Variants in MGAM2 observed in about 807,000 individuals in gnomAD.
MGAM2 encodes the protein maltase-glucoamylase 2 (putative).
MGAM2 carries 98 observed loss-of-function variants against 96.1 expected under a neutral mutation model. The observed-to-expected ratio is 1.02, with a 90% CI of 0.87 to 1.21. MGAM2 has a LOEUF of 1.21. Among genes scored for constraint, MGAM2 ranks in the 50% most tolerant of loss-of-function variants. MGAM2 has a pLI of 0.00. For missense variants in MGAM2, 2,055 were observed against 1,182.4 expected (o/e 1.74, Z -10.82); for synonymous variants, 749 against 414.8 (o/e 1.81, Z -9.79).
intron 10 of MGAM2, among the ~76,000 whole-genome samples, chr7:142,139,003 T>C (rs1795139416): frequency 1.3e-5 from 2 of 152,208 alleles, no homozygotes; most frequent in South Asian, 2.1e-4. Flanking sequence ...GAATGCCTTA[T>C]ACTGTGCATG....
At chr7:142,147,310 TAGG>T (rs1362639736) in intron 14 of MGAM2, 143 bp from the exon 15 acceptor site, 2 of 550,712 alleles carry the variant, frequency 3.6e-6, no homozygotes, top group Non-Finnish European at 6.4e-6. Flanking sequence ...AAATAGCATT[TAGG>T]ATAGAATTTA....
intron 10 of MGAM2, among the ~76,000 whole-genome samples, chr7:142,139,504 C>CA (rs1244669802): frequency 1.3e-5 from 2 of 151,284 alleles, no homozygotes; most frequent in Non-Finnish European, 2.9e-5. Flanking sequence ...ATTAAAAATA[C>CA]AAAAAAATTA....
intron 2 of MGAM2, 76 bp from the exon 3 acceptor site, chr7:142,120,226 G>GT (rs1794523191): frequency 1.5e-6 from 1 of 685,916 alleles, no homozygotes; most frequent in Non-Finnish European, 2.7e-6. Context: ...CCAAAAGTCT[G>GT]TAACTTTGCT....
At chr7:142,186,630 G>A (rs1358510246) in intron 35 of MGAM2, among the ~76,000 whole-genome samples, 1 of 152,200 alleles carries the variant, frequency 6.6e-6, no homozygotes, top group Non-Finnish European at 1.5e-5. Context: ...GATGTCCCTG[G>A]GATATATGTC....
intron 14 of MGAM2, among the ~76,000 whole-genome samples, chr7:142,145,630 T>C (rs1795361496): frequency 6.6e-6 from 1 of 152,134 alleles, no homozygotes; most frequent in Non-Finnish European, 1.5e-5. Flanking sequence ...ACAATAATCG[T>C]TTACTTTTTG....
chr7:142,160,438 T>C (rs1004766811), intron 21 of MGAM2, among the ~76,000 whole-genome samples, 180 bp downstream of exon 21: 1 of 152,156 alleles, frequency 6.6e-6, no homozygotes, highest in Non-Finnish European at 1.5e-5. Context: ...ATTTAGTAGA[T>C]GGTAGTCTGC....
In MGAM2 at chr7:142,147,451, T is replaced by A; in HGVS notation, c.1517-5T>A. ...AGTGCCTCACTAATGAGTATTTCCC[T>A]CCAGGAGTTCTGGATCACTTACTTT... On this transcript the variant is annotated splice_polypyrimidine_tract_variant and splice_region_variant and intron_variant, in intron 14 of 47. Coordinates refer to ENST00000477922, the MANE Select transcript of MGAM2 (RefSeq NM_001293626.2). 1.4e-6 allele frequency: 1 copy of A among 700,698 alleles called. No individual in the cohort carries two copies. Among genetic ancestry groups the A allele is most frequent in the Non-Finnish European group, 2.6e-6 (1 of 384,274 alleles). 43.4% of individuals were successfully genotyped at this position (700,698 alleles called of 1,614,324 possible).
At chr7:142,210,474 T>C (rs1032366146) in intron 46 of MGAM2, among the ~76,000 whole-genome samples, 1 of 152,092 alleles carries the variant, frequency 6.6e-6, no homozygotes, top group African/African-American at 2.4e-5. Flanking sequence ...CTGTCTGAAG[T>C]TGACGTGGGA....
chr7:142,156,352 A>AT (rs1267029212), intron 17 of MGAM2, among the ~76,000 whole-genome samples: 38 of 152,296 alleles, frequency 2.5e-4, no homozygotes, highest in African/African-American at 8.2e-4. Flanking sequence ...TTTGGTATGC[A>AT]TTTTACACTT....
intron 25 of MGAM2, among the ~76,000 whole-genome samples, chr7:142,166,888 G>A (rs1796043516): frequency 1.3e-5 from 2 of 152,182 alleles, no homozygotes; most frequent in South Asian, 4.1e-4. Context: ...TGGTGTCAGT[G>A]GAGCTGGTTC....
chr7:142,190,240 G>A (rs61653570), intron 37 of MGAM2, among the ~76,000 whole-genome samples: 7,302 of 119,800 alleles, frequency 0.061, 517 homozygotes, highest in East Asian at 0.2. Flanking sequence ...ATATCAAGCT[G>A]TTTTCTAAAA....
In MGAM2 at chr7:142,221,511, AC is replaced by A; in HGVS notation, c.7004del (p.Pro2335LeufsTer19). ...TACTGATAAAATTACTAATTTTACT[AC>A]CCCTACAAATGCAAACACCATTATT... ...FTTDKITNFTTPTNANTIIFN... is the reference protein window; with the variant it reads ...FTTDKITNFTXPTNANTIIFN... On this transcript the variant is annotated frameshift_variant, in exon 48 of 48. Transcript: ENST00000477922. LOFTEE classifies it low-confidence loss of function (END_TRUNC). The A allele has an allele frequency of 1.8e-6, 1 of 543,608 alleles. No individual in the cohort carries two copies. The highest frequency in any genetic ancestry group is 3.2e-6 in the Non-Finnish European group (1 of 310,110). 33.7% of individuals were successfully genotyped at this position (543,608 alleles called of 1,614,324 possible).
intron 12 of MGAM2, among the ~76,000 whole-genome samples, chr7:142,142,237 T>C (rs1328435955): frequency 6.6e-6 from 1 of 152,216 alleles, no homozygotes; most frequent in Non-Finnish European, 1.5e-5. Context: ...GTCTTTGCTT[T>C]TACTGTTTCG....
At chr7:142,166,035 A>G in intron 24 of MGAM2, 63 bp from the exon 25 acceptor site, 1 of 604,964 alleles carries the variant, frequency 1.7e-6, no homozygotes, top group Non-Finnish European at 3.0e-6. Context: ...ACTTCCAGCC[A>G]AGAACTCTTT....
At chr7:142,132,749 T>A (rs1226072318) in intron 6 of MGAM2, among the ~76,000 whole-genome samples, 1 of 125,594 alleles carries the variant, frequency 8.0e-6, no homozygotes, top group Admixed American at 8.7e-5. Flanking sequence ...TAATAACATA[T>A]AATATATAAT....
chr7:142,141,101 T>C lies in MGAM2; in HGVS notation c.1299T>C (p.Asn433=), dbSNP rs1286466642. 5 of 685,120 alleles carry C rather than the reference T, an allele frequency of 7.3e-6. No individual in the cohort carries two copies. The highest frequency in any genetic ancestry group is 2.7e-5 in the East Asian group (1 of 36,642). The allele number at this position is 685,120 out of a possible 1,614,324, so 42.4% of individuals were successfully genotyped here. A position where few individuals can be genotyped will look rare whatever the true frequency, so the allele number is the denominator to read the frequency against. The change falls in exon 12 of 48, where the codon AAT becomes AAC. Residue 433 remains asparagine (N), a synonymous_variant. Coordinates refer to ENST00000477922, the MANE Select transcript of MGAM2 (RefSeq NM_001293626.2). ...SLKRVWILGS[N]GFAVGEGYPG... is the part of the protein sequence containing the mutation. ...AGAGAGTGTGGATCTTGGGGAGCAA[T>C]GGCTTTGCTGTTGGGGAGGTAATTT... is the stretch of plus-strand genomic sequence containing the variant.
In MGAM2 at chr7:142,160,714, C is replaced by A. The variant is rs972806584; in HGVS notation, c.2346-411C>A. Among the ~76,000 whole-genome samples, 4 of 151,260 alleles carry A rather than the reference C, an allele frequency of 2.6e-5. No homozygotes were observed. The South Asian group carries it at 8.4e-4, about 32-fold the overall frequency. On this transcript the variant is annotated intron_variant, in intron 21 of 47. Coordinates refer to ENST00000477922, the MANE Select transcript of MGAM2 (RefSeq NM_001293626.2). ...AGATGTGTTTACCTTGGGTAACTTA[C>A]TTCTCTGTGCTTCTGCTTATTATTG...
Position 142,221,719 on chromosome 7 carries a change from C to A in MGAM2, c.7208C>A (p.Thr2403Asn), listed in dbSNP as rs558349677. The A allele has an allele frequency of 9.7e-6, 4 of 413,690 alleles. No homozygotes were observed. Among genetic ancestry groups the A allele is most frequent in the South Asian group, 2.1e-4 (2 of 9,744 alleles). 25.6% of individuals were successfully genotyped at this position (413,690 alleles called of 1,614,324 possible). ...ATTTTLALSHTSLAPTNLSNL... is the reference protein window; with the variant it reads ...ATTTTLALSHNSLAPTNLSNL... ...ACTACAACACTGGCCTTAAGCCACA[C>A]CTCATTAGCTCCTACAAATCTTTCT... The change falls in exon 48 of 48, where the codon ACC becomes AAC. Residue 2403 changes from threonine (T) to asparagine (N), a missense_variant. Physicochemically the swap from Thr to Asn is moderately conservative, Grantham distance 65. Coordinates refer to ENST00000477922, the MANE Select transcript of MGAM2 (RefSeq NM_001293626.2).
At chr7:142,185,232 TA>T in intron 34 of MGAM2, 93 bp downstream of exon 34, 1 of 644,584 alleles carries the variant, frequency 1.6e-6, no homozygotes, top group Non-Finnish European at 2.8e-6. Flanking sequence ...ACCCTTCAGT[TA>T]AGTAGCCCTA....
Sources: allele counts gnomAD v4.1 joint callset (sites outside exome capture counted in the v4.1 genomes callset), GRCh38; gene constraint gnomAD v4.1.1; transcripts MANE v1.5; gene names NCBI Gene and HGNC (gene_info 2026-07-23, HGNC 2026-07-21).